Variants in ERCC6L2 observed in about 807,000 individuals in gnomAD.
ERCC6L2 encodes ERCC excision repair 6 like 2.
ERCC6L2 carries 77 observed loss-of-function variants against 132.0 expected under a neutral mutation model. The ratio of observed to expected loss-of-function variants is 0.58; its 90% CI spans 0.49 to 0.71. The LOEUF is 0.71. Among genes scored for constraint, ERCC6L2 ranks in the 30% least tolerant of loss-of-function variants. The pLI, the probability that ERCC6L2 is intolerant of heterozygous loss-of-function variation, is 0.00. For missense variants in ERCC6L2, 1,542 were observed against 1,837.6 expected (o/e 0.84, Z 2.94); for synonymous variants, 583 against 632.4 (o/e 0.92, Z 1.17).
At chr9:96,001,160 A>G (rs1833660688) in intron 17 of ERCC6L2, among the ~76,000 whole-genome samples, 1 of 152,168 alleles carries the variant, frequency 6.6e-6, no homozygotes, top group Non-Finnish European at 1.5e-5. Flanking sequence ...GGTGAGTGTT[A>G]CAGCTCATAA....
intron 17 of ERCC6L2, among the ~76,000 whole-genome samples, chr9:95,992,575 C>T (rs1472822365): frequency 1.3e-5 from 2 of 152,224 alleles, no homozygotes; most frequent in African/African-American, 4.8e-5. Context: ...GAATCTTTCA[C>T]ATACTTTAGC....
chr9:96,037,048 G>A (rs1053219476), intron 19 of ERCC6L2, among the ~76,000 whole-genome samples: 4 of 152,056 alleles, frequency 2.6e-5, no homozygotes, highest in Admixed American at 6.5e-5. Context: ...TTACAGGCGT[G>A]AGCCACTGCG....
At chr9:95,932,635 G>C (rs1399586467) in intron 11 of ERCC6L2, among the ~76,000 whole-genome samples, 1 of 151,914 alleles carries the variant, frequency 6.6e-6, no homozygotes, top group Non-Finnish European at 1.5e-5. Flanking sequence ...ATTTATTTAG[G>C]TTTTCTTAGA....
intron 2 of ERCC6L2, among the ~76,000 whole-genome samples, chr9:95,881,820 A>G (rs776940045): frequency 7.2e-5 from 11 of 152,218 alleles, no homozygotes; most frequent in Non-Finnish European, 1.5e-4. Flanking sequence ...ATACTTTCCT[A>G]AAGAGGGGAT....
At chr9:95,890,793 C>T (rs1218420667) in intron 2 of ERCC6L2, among the ~76,000 whole-genome samples, 3 of 152,082 alleles carry the variant, frequency 2.0e-5, no homozygotes, top group Non-Finnish European at 4.4e-5. Flanking sequence ...CTCAGCCTCC[C>T]GAGTAGCTGG....
At chr9:95,964,979 G>C (rs1832086609) in intron 13 of ERCC6L2, among the ~76,000 whole-genome samples, 1 of 152,170 alleles carries the variant, frequency 6.6e-6, no homozygotes. Context: ...GACAATATCA[G>C]TGTTTAAGGT....
At chr9:95,908,554 A>T (rs746299401) in intron 4 of ERCC6L2, among the ~76,000 whole-genome samples, 5 of 152,218 alleles carry the variant, frequency 3.3e-5, no homozygotes, top group Admixed American at 3.3e-4. Context: ...TAGCAAACCA[A>T]TACAAGGCTT....
At chr9:95,931,725 G>A (rs1024606180) in intron 11 of ERCC6L2, among the ~76,000 whole-genome samples, 2 of 151,850 alleles carry the variant, frequency 1.3e-5, no homozygotes, top group Non-Finnish European at 2.9e-5. Context: ...TTGGGAACTC[G>A]TAAGAGTTTT....
intron 16 of ERCC6L2, among the ~76,000 whole-genome samples, 190 bp from the exon 17 acceptor site, chr9:95,977,871 A>G (rs1832732627): frequency 6.6e-6 from 1 of 152,130 alleles, no homozygotes. Context: ...CACATTGATG[A>G]GAAGGAAAAG....
At position 96,035,219 on chromosome 9, in the gene ERCC6L2, C is replaced by T. The variant is rs145324571; in HGVS notation, c.*1504-3657C>T. Among the ~76,000 whole-genome samples, 618 of 152,320 alleles carry T rather than the reference C, an allele frequency of 4.1e-3. 2 individuals carry two copies. Among genetic ancestry groups the T allele is most frequent in the Non-Finnish European group, 6.5e-3 (444 of 68,014 alleles). On this transcript the variant is annotated intron_variant and NMD_transcript_variant, in intron 19 of 20. Transcript: ENST00000670016. The stretch of plus-strand genomic sequence containing the variant: ...ATGGCAGCAGGAGGCAGACAGATTC[C>T]TGAGCAGAAGGGGGCGGGTCCCAGT...
chr9:96,033,338 C>G (rs1001884927), intron 19 of ERCC6L2, among the ~76,000 whole-genome samples: 2 of 151,860 alleles, frequency 1.3e-5, no homozygotes, highest in Non-Finnish European at 2.9e-5. Flanking sequence ...CTCCGACTCT[C>G]GGGTTCAAGT....
intron 4 of ERCC6L2, among the ~76,000 whole-genome samples, chr9:95,914,159 T>A (rs1829469043): frequency 6.6e-6 from 1 of 152,212 alleles, no homozygotes; most frequent in South Asian, 2.1e-4. Flanking sequence ...TTGATATTGT[T>A]AATCATTTTT....
In ERCC6L2 at chr9:95,876,008, G is replaced by A; in HGVS notation, c.-31G>A. 6.4e-7 allele frequency: 1 copy of A among 1,573,738 alleles called. No homozygotes were observed. Among genetic ancestry groups the A allele is most frequent in the Non-Finnish European group, 8.6e-7 (1 of 1,160,742 alleles). ...CTCCGCCGCCTTCCGGGTGTTACAT[G>A]CAGCCGGGCTCGGCCCCTCCCCCTG... On this transcript the variant is annotated 5_prime_UTR_variant, in exon 1 of 19. It removes an upstream start codon present in the reference 5' UTR. Coordinates refer to ENST00000653738, the MANE Select transcript of ERCC6L2 (RefSeq NM_020207.7).
chr9:95,954,118 A>C (rs1031624325), intron 12 of ERCC6L2, among the ~76,000 whole-genome samples: 1 of 152,204 alleles, frequency 6.6e-6, no homozygotes, highest in Non-Finnish European at 1.5e-5. Context: ...CAGTGCACTT[A>C]AGTAGCTTGC....
chr9:95,923,583 G>C (rs3802438), intron 9 of ERCC6L2, among the ~76,000 whole-genome samples: 27,114 of 152,098 alleles, frequency 0.18, 2,506 homozygotes, highest in South Asian at 0.28. Flanking sequence ...TAGGTCCTCT[G>C]TAGTAGTTGC....
intron 4 of ERCC6L2, among the ~76,000 whole-genome samples, chr9:95,907,856 C>CACACACACACACACACACACA (rs869053572): frequency 6.9e-6 from 1 of 145,828 alleles, no homozygotes; most frequent in South Asian, 2.2e-4. Context: ...CACACACACA[C>CACACACACACACACACACACA]CCCCACACCC....
intron 11 of ERCC6L2, among the ~76,000 whole-genome samples, chr9:95,939,252 C>G (rs1032817611): frequency 6.7e-6 from 1 of 150,238 alleles, no homozygotes; most frequent in African/African-American, 2.4e-5. Context: ...CTTCCTCTTT[C>G]CTTTCTGTTC....
chr9:96,031,575 T>C (rs1342276786), intron 19 of ERCC6L2, among the ~76,000 whole-genome samples: 1 of 152,252 alleles, frequency 6.6e-6, no homozygotes, highest in Non-Finnish European at 1.5e-5. Context: ...TCCAGTCAAG[T>C]TGCTTTCCAA....
intron 4 of ERCC6L2, among the ~76,000 whole-genome samples, chr9:95,914,566 A>G (rs549356388): frequency 6.6e-6 from 1 of 151,980 alleles, no homozygotes; most frequent in African/African-American, 2.4e-5. Flanking sequence ...GTTGGCCAGG[A>G]TGGTCTTGAT....
Sources: allele counts gnomAD v4.1 joint callset (sites outside exome capture counted in the v4.1 genomes callset), GRCh38; gene constraint gnomAD v4.1.1; transcripts MANE v1.5; gene names NCBI Gene and HGNC (gene_info 2026-07-23, HGNC 2026-07-21).